Variants in TESK2 observed in about 807,000 individuals in gnomAD.
TESK2 encodes the protein testis associated actin remodelling kinase 2.
In TESK2, 39 loss-of-function variants were observed where a neutral mutation model predicts 57.1. The observed-to-expected ratio is 0.68, with a 90% CI of 0.53 to 0.89. The LOEUF is 0.89. Among genes scored for constraint, TESK2 ranks in the 40% least tolerant of loss-of-function variants. TESK2 has a pLI of 0.00. For missense variants in TESK2, 646 were observed against 732.1 expected (o/e 0.88, Z 1.36); for synonymous variants, 249 against 267.9 (o/e 0.93, Z 0.69).
intron 4 of TESK2, among the ~76,000 whole-genome samples, chr1:45,370,864 G>A (rs72890601): frequency 0.01 from 1,576 of 152,242 alleles, 29 homozygotes; most frequent in African/African-American, 0.036. Flanking sequence ...AGGACAATGA[G>A]GAGCCACAGA....
chr1:45,470,513 A>G (rs1298431590), intron 1 of TESK2, among the ~76,000 whole-genome samples: 1 of 152,248 alleles, frequency 6.6e-6, no homozygotes, highest in Non-Finnish European at 1.5e-5. Flanking sequence ...CCACGAATAT[A>G]CACAATGGCA....
At chr1:45,349,187 T>C (rs1368719668) in intron 5 of TESK2, among the ~76,000 whole-genome samples, 1 of 151,438 alleles carries the variant, frequency 6.6e-6, no homozygotes, top group Non-Finnish European at 1.5e-5. Context: ...CACCTCCTGC[T>C]TACTCCTGTC....
At chr1:45,460,842 T>C (rs1205426089) in intron 1 of TESK2, among the ~76,000 whole-genome samples, 1 of 152,232 alleles carries the variant, frequency 6.6e-6, no homozygotes. Flanking sequence ...TCATTCATTT[T>C]ATATTTGAAG....
At chr1:45,430,773 GAGCCA>G (rs1448952139) in intron 2 of TESK2, among the ~76,000 whole-genome samples, 4 of 152,132 alleles carry the variant, frequency 2.6e-5, no homozygotes, top group Non-Finnish European at 5.9e-5. Context: ...TAAAAGTCTT[GAGCCA>G]AGCCCCCAAG....
At chr1:45,416,058 C>A (rs1650225442) in intron 3 of TESK2, among the ~76,000 whole-genome samples, 1 of 141,644 alleles carries the variant, frequency 7.1e-6, no homozygotes, top group Non-Finnish European at 1.5e-5. Flanking sequence ...GATTGGACAC[C>A]TCTAATCTAG....
intron 1 of TESK2, among the ~76,000 whole-genome samples, chr1:45,488,834 C>T (rs1428612651): frequency 1.3e-5 from 2 of 152,152 alleles, no homozygotes; most frequent in African/African-American, 4.8e-5. Flanking sequence ...ACCAAAACTG[C>T]ATTTCAGAGG....
intron 3 of TESK2, among the ~76,000 whole-genome samples, chr1:45,400,593 T>C (rs1649557666): frequency 6.6e-6 from 1 of 152,164 alleles, no homozygotes; most frequent in African/African-American, 2.4e-5. Context: ...ATAAGGAAAA[T>C]AACATTAACA....
chr1:45,472,344 G>A (rs1652802251), intron 1 of TESK2, among the ~76,000 whole-genome samples: 1 of 151,048 alleles, frequency 6.6e-6, no homozygotes, highest in African/African-American at 2.4e-5. Flanking sequence ...GATCACCTGA[G>A]GTCAAGAGTT....
intron 4 of TESK2, among the ~76,000 whole-genome samples, chr1:45,384,373 A>ATCTGTCTGTCTG (rs1243870923): frequency 2.2e-5 from 3 of 135,136 alleles, no homozygotes; most frequent in African/African-American, 8.5e-5. Flanking sequence ...GTATCTATCT[A>ATCTGTCTGTCTG]TCTATCTATC....
intron 3 of TESK2, among the ~76,000 whole-genome samples, chr1:45,402,709 C>T (rs565965183): frequency 6.6e-6 from 1 of 151,626 alleles, no homozygotes; most frequent in Non-Finnish European, 1.5e-5. Context: ...CTCAAACTCC[C>T]GACTTCAGGT....
At chr1:45,442,070 G>A (rs939777904) in intron 2 of TESK2, among the ~76,000 whole-genome samples, 2 of 152,072 alleles carry the variant, frequency 1.3e-5, no homozygotes, top group African/African-American at 4.8e-5. Flanking sequence ...CCGAGTAGCT[G>A]GGATTACACG....
At chr1:45,456,197 A>AAAAT (rs1652081595) in intron 2 of TESK2, among the ~76,000 whole-genome samples, 1 of 150,150 alleles carries the variant, frequency 6.7e-6, no homozygotes. Flanking sequence ...CCCTGTCTCA[A>AAAAT]AAAATAAAAT....
chr1:45,487,964 G>A (rs1653550637), intron 1 of TESK2, among the ~76,000 whole-genome samples: 1 of 151,004 alleles, frequency 6.6e-6, no homozygotes, highest in South Asian at 2.1e-4. Context: ...CCCCAGGCTG[G>A]AGTGCAGTGG....
intron 2 of TESK2, among the ~76,000 whole-genome samples, chr1:45,437,737 G>C (rs546202472): frequency 5.3e-5 from 8 of 152,236 alleles, no homozygotes; most frequent in African/African-American, 1.9e-4. Context: ...CTAGTTTGTT[G>C]AGAGTTTTTA....
intron 4 of TESK2, among the ~76,000 whole-genome samples, chr1:45,358,290 G>T (rs1024469780): frequency 3.3e-5 from 5 of 151,466 alleles, no homozygotes; most frequent in African/African-American, 1.2e-4. Flanking sequence ...TCCAGCCTGG[G>T]CAACAGAGCG....
At chr1:45,354,786 C>CAAAAA (rs869075485) in intron 5 of TESK2, among the ~76,000 whole-genome samples, 2 of 43,324 alleles carry the variant, frequency 4.6e-5, no homozygotes, top group Non-Finnish European at 8.1e-5. Flanking sequence ...GAGACCGTCT[C>CAAAAA]AAAAAAAAAA....
chr1:45,431,246 G>A (rs1485974124), intron 2 of TESK2, among the ~76,000 whole-genome samples: 3 of 152,066 alleles, frequency 2.0e-5, no homozygotes, highest in Non-Finnish European at 2.9e-5. Context: ...GTGAAACTCT[G>A]TCTCTACTAA....
chr1:45,467,893 G>C (rs977449360), intron 1 of TESK2, among the ~76,000 whole-genome samples: 1 of 151,938 alleles, frequency 6.6e-6, no homozygotes, highest in Admixed American at 6.6e-5. Flanking sequence ...AAAATATTGG[G>C]TGGGATCACT....
intron 3 of TESK2, among the ~76,000 whole-genome samples, chr1:45,399,651 T>C (rs555681877): frequency 2.6e-5 from 4 of 152,210 alleles, no homozygotes; most frequent in Admixed American, 1.3e-4. Context: ...GGTTTTGTCA[T>C]GTTACCCAGG....
Sources: allele counts gnomAD v4.1 joint callset (sites outside exome capture counted in the v4.1 genomes callset), GRCh38; gene constraint gnomAD v4.1.1; transcripts MANE v1.5; gene names NCBI Gene and HGNC (gene_info 2026-07-23, HGNC 2026-07-21).